Variants in LRBA observed in about 807,000 individuals in gnomAD.
LRBA encodes lipopolysaccharide-responsive and beige-like anchor protein.
In LRBA, 176 loss-of-function variants were observed where a neutral mutation model predicts 330.0. The ratio of observed to expected loss-of-function variants is 0.53; its 90% CI spans 0.47 to 0.60. LRBA has a LOEUF of 0.60. Among genes scored for constraint, LRBA ranks in the 20% least tolerant of loss-of-function variants. The pLI is 0.00. For missense variants in LRBA, 3,259 were observed against 3,444.8 expected (o/e 0.95, Z 1.35); for synonymous variants, 1,230 against 1,193.0 (o/e 1.03, Z -0.64).
intron 44 of LRBA, among the ~76,000 whole-genome samples, chr4:150,450,755 TG>T (rs1753248851): frequency 6.6e-6 from 1 of 151,958 alleles, no homozygotes; most frequent in African/African-American, 2.4e-5. Context: ...AGAACTTTGG[TG>T]AGGTGGGGTG....
chr4:150,279,495 T>G (rs558507955), intron 55 of LRBA, among the ~76,000 whole-genome samples: 1 of 152,344 alleles, frequency 6.6e-6, no homozygotes, highest in East Asian at 1.9e-4. Flanking sequence ...AAACCTAATT[T>G]CTGATACATT....
chr4:150,422,807 T>A, intron 46 of LRBA: 1 of 1,474,188 alleles, frequency 6.8e-7, no homozygotes, highest in Non-Finnish European at 9.5e-7. Flanking sequence ...TGTGCTGCGG[T>A]TTGCCCTGGA....
At chr4:150,303,901 A>G (rs1227977335) in intron 52 of LRBA, among the ~76,000 whole-genome samples, 1 of 152,186 alleles carries the variant, frequency 6.6e-6, no homozygotes, top group Admixed American at 6.5e-5. Context: ...TCTTTGTTTA[A>G]CCAGATATGG....
intron 29 of LRBA, among the ~76,000 whole-genome samples, chr4:150,829,822 G>A: frequency 2.9e-5 from 1 of 34,030 alleles, no homozygotes; most frequent in Non-Finnish European, 1.4e-4. Flanking sequence ...TATCTTACAT[G>A]TCTAAAAAAA....
chr4:150,991,559 C>T (rs893915741), intron 2 of LRBA, among the ~76,000 whole-genome samples: 9 of 152,168 alleles, frequency 5.9e-5, no homozygotes, highest in South Asian at 2.1e-4. Flanking sequence ...AAGCTAGTCA[C>T]GAAAGGCTAC....
chr4:150,409,202 C>T (rs1005316104), intron 47 of LRBA, among the ~76,000 whole-genome samples: 2 of 151,914 alleles, frequency 1.3e-5, no homozygotes, highest in African/African-American at 4.8e-5. Flanking sequence ...AGAAGACAGC[C>T]ACATATAAGC....
At chr4:150,414,097 T>G (rs1412420390) in intron 47 of LRBA, among the ~76,000 whole-genome samples, 1 of 152,236 alleles carries the variant, frequency 6.6e-6, no homozygotes, top group Non-Finnish European at 1.5e-5. Flanking sequence ...GATAATATTC[T>G]AGGCATTTAC....
intron 40 of LRBA, among the ~76,000 whole-genome samples, chr4:150,530,236 A>T (rs866693229): frequency 1.4e-4 from 21 of 152,210 alleles, no homozygotes; most frequent in Non-Finnish European, 2.8e-4. Context: ...CTAAGAAGAT[A>T]CAAAAGTGCT....
intron 47 of LRBA, among the ~76,000 whole-genome samples, chr4:150,386,683 T>A (rs1403407526): frequency 2.6e-5 from 4 of 152,188 alleles, no homozygotes; most frequent in African/African-American, 9.7e-5. Flanking sequence ...GGCATTTAGG[T>A]TGATTCCATG....
At chr4:150,855,127 A>C (rs892766316) in intron 22 of LRBA, among the ~76,000 whole-genome samples, 1 of 152,116 alleles carries the variant, frequency 6.6e-6, no homozygotes, top group Non-Finnish European at 1.5e-5. Context: ...GCATGGTGGC[A>C]CACACCTGTA....
intron 37 of LRBA, among the ~76,000 whole-genome samples, chr4:150,666,729 T>G (rs1455524837): frequency 6.6e-6 from 1 of 152,180 alleles, no homozygotes; most frequent in Non-Finnish European, 1.5e-5. Context: ...CTGTGGATAC[T>G]AAGGGATTAC....
At chr4:150,706,121 T>G (rs1047290742) in intron 36 of LRBA, among the ~76,000 whole-genome samples, 1 of 151,734 alleles carries the variant, frequency 6.6e-6, no homozygotes, top group Non-Finnish European at 1.5e-5. Flanking sequence ...AGCCAAAGAA[T>G]TTTGAAAAAA....
intron 33 of LRBA, among the ~76,000 whole-genome samples, chr4:150,805,341 G>GGAA (rs1302816838): frequency 9.2e-5 from 3 of 32,692 alleles, no homozygotes; most frequent in East Asian, 1.1e-3. Context: ...AAGGAAAGGA[G>GGAA]AAGGAGAAGG....
intron 2 of LRBA, among the ~76,000 whole-genome samples, chr4:151,011,833 C>G (rs1229631066): frequency 6.6e-6 from 1 of 151,854 alleles, no homozygotes; most frequent in Non-Finnish European, 1.5e-5. Context: ...TGCCACCATG[C>G]CCAGCTAATT....
chr4:150,551,674 T>TAA (rs67971232), intron 40 of LRBA, among the ~76,000 whole-genome samples: 22 of 144,990 alleles, frequency 1.5e-4, no homozygotes, highest in African/African-American at 3.8e-4. Flanking sequence ...TCTCAAAAAA[T>TAA]AAAAAAAAAA....
chr4:150,983,369 T>C (rs926647274), intron 2 of LRBA, among the ~76,000 whole-genome samples: 8 of 151,470 alleles, frequency 5.3e-5, no homozygotes, highest in Non-Finnish European at 1.0e-4. Context: ...GCAGAAGGAA[T>C]GCTTGACCCC....
intron 40 of LRBA, chr4:150,579,614 T>C (rs1391742799): frequency 1.3e-5 from 6 of 455,280 alleles, no homozygotes; most frequent in African/African-American, 2.0e-5. Context: ...TGGAGAAGCG[T>C]AGGGGCAAGG....
chr4:150,327,231 C>T (rs1215364349), intron 48 of LRBA, among the ~76,000 whole-genome samples: 1 of 151,914 alleles, frequency 6.6e-6, no homozygotes, highest in African/African-American at 2.4e-5. Context: ...CAAGAACGGC[C>T]TACATAGTAA....
At chr4:150,555,735 A>T (rs946872787) in intron 40 of LRBA, among the ~76,000 whole-genome samples, 2 of 150,260 alleles carry the variant, frequency 1.3e-5, no homozygotes, top group Non-Finnish European at 3.0e-5. Flanking sequence ...TGGGTAACAG[A>T]GTGAGACTCT....
Sources: gnomAD v4.1 joint callset for allele counts (sites outside exome capture counted in the v4.1 genomes callset) on GRCh38, gnomAD v4.1.1 for gene constraint, MANE v1.5 for transcripts, NCBI Gene and HGNC (gene_info 2026-07-23, HGNC 2026-07-21) for gene names.